The following ZCCHC7 variants were observed in gnomAD, a reference collection of about 807,000 sequenced individuals.
The protein encoded by ZCCHC7 is zinc finger CCHC-type containing 7.
ZCCHC7 carries 35 observed loss-of-function variants against 52.0 expected under a neutral mutation model. The observed-to-expected ratio is 0.67, with a 90% CI of 0.51 to 0.89. The LOEUF (loss-of-function observed/expected upper bound fraction) is 0.89. Among genes scored for constraint, ZCCHC7 ranks in the 40% least tolerant of loss-of-function variants. The pLI is 0.00. For synonymous variants in ZCCHC7, 217 were observed against 221.5 expected, an observed-to-expected ratio of 0.98 and a Z score of 0.18; for missense variants, 574 against 649.1, an observed-to-expected ratio of 0.88 and a Z score of 1.26.
chr9:37,184,845 A>G (rs1822565709), intron 2 of ZCCHC7, among the ~76,000 whole-genome samples: 1 of 152,126 alleles, frequency 6.6e-6, no homozygotes, highest in East Asian at 1.9e-4. Context: ...TCTGAAAGGC[A>G]TTGTTTTTAC....
At chr9:37,290,815 TG>T (rs1828499449) in intron 2 of ZCCHC7, among the ~76,000 whole-genome samples, 1 of 152,232 alleles carries the variant, frequency 6.6e-6, no homozygotes, top group African/African-American at 2.4e-5. Context: ...AGATACTTCA[TG>T]GCCTCCTGCC....
Position 37,349,362 on chromosome 9 carries a change from A to C in ZCCHC7, c.993A>C (p.Lys331Asn). Residue 331 changes from lysine to asparagine, a missense_variant, in exon 7 of 9, where the codon AAA (lysine) becomes AAC (asparagine). Coordinates refer to ENST00000336755, the MANE Select transcript of ZCCHC7 (RefSeq NM_032226.3). ...CACAAATATTCATGTTGCAGACCAA[A>C]CCTGGACCACCCAAAAAGCCGAAGA... ...EIWRQYHLTT[K>N]PGPPKKPKTP... is the part of the protein sequence containing the mutation. 1.2e-6 allele frequency: 2 copies of C among 1,614,022 alleles called. No individual in the cohort carries two copies. The highest frequency in any genetic ancestry group is 1.7e-6 in the Non-Finnish European group (2 of 1,179,942).
intron 2 of ZCCHC7, among the ~76,000 whole-genome samples, chr9:37,190,745 C>T (rs1246367869): frequency 2.6e-5 from 4 of 152,098 alleles, no homozygotes; most frequent in East Asian, 1.9e-4. Context: ...AGGCTGGGCA[C>T]GGTGGCTCAC....
intron 2 of ZCCHC7, among the ~76,000 whole-genome samples, chr9:37,223,723 A>G (rs994066843): frequency 8.5e-5 from 13 of 152,156 alleles, no homozygotes; most frequent in Admixed American, 6.5e-4. Flanking sequence ...ATTTGTTCTA[A>G]GGAATAATAG....
chr9:37,236,754 A>G (rs1825672423), intron 2 of ZCCHC7, among the ~76,000 whole-genome samples: 1 of 152,192 alleles, frequency 6.6e-6, no homozygotes, highest in African/African-American at 2.4e-5. Flanking sequence ...TGGAAGTCCC[A>G]TACACGGCAC....
chr9:37,198,785 TAAGA>T (rs1823428017), intron 2 of ZCCHC7, among the ~76,000 whole-genome samples: 1 of 152,276 alleles, frequency 6.6e-6, no homozygotes, highest in Non-Finnish European at 1.5e-5. Flanking sequence ...GAAAGATTAG[TAAGA>T]AAGAACTGAG....
chr9:37,293,482 A>G (rs1328791949), intron 2 of ZCCHC7, among the ~76,000 whole-genome samples: 1 of 152,256 alleles, frequency 6.6e-6, no homozygotes, highest in South Asian at 2.1e-4. Context: ...TAGCTTCTTG[A>G]TTAGATTTAA....
At chr9:37,334,932 A>G (rs1208858868) in intron 6 of ZCCHC7, among the ~76,000 whole-genome samples, 4 of 152,098 alleles carry the variant, frequency 2.6e-5, no homozygotes, top group African/African-American at 9.7e-5. Context: ...AGAAATTTTT[A>G]TTAGCTTTGT....
intron 2 of ZCCHC7, among the ~76,000 whole-genome samples, chr9:37,180,138 C>A (rs914226680): frequency 6.6e-6 from 1 of 152,066 alleles, no homozygotes; most frequent in African/African-American, 2.4e-5. Flanking sequence ...AAATTAGGCA[C>A]AGAGTATATT....
In ZCCHC7 at chr9:37,197,730, A is replaced by G. The variant is rs77036195; in HGVS notation, c.610+70788A>G. 1.1e-3 allele frequency among the ~76,000 whole-genome samples: 165 copies of G among 152,276 alleles called. 3 individuals are homozygous for G. The highest frequency in any genetic ancestry group is 9.1e-3 in the East Asian group (47 of 5,188). ...TTTCGAAAGTCAAAACAGCAATTGC[A>G]CTATTCTGGATTTGATGTTTTGTTA... is the stretch of plus-strand genomic sequence containing the variant. On this transcript the variant is annotated intron_variant, in intron 2 of 8. Transcript: ENST00000336755.
intron 2 of ZCCHC7, among the ~76,000 whole-genome samples, chr9:37,282,604 CAAAAAAAA>C (rs60743608): frequency 1.9e-5 from 1 of 52,546 alleles, no homozygotes. Context: ...GACTCTGTCT[CAAAAAAAA>C]AAAAAAAAAA....
At chr9:37,144,722 ATTG>A (rs1175784972) in intron 2 of ZCCHC7, among the ~76,000 whole-genome samples, 1 of 151,854 alleles carries the variant, frequency 6.6e-6, no homozygotes, top group East Asian at 1.9e-4. Flanking sequence ...TTACTATTTT[ATTG>A]TTCTTTCTTG....
At chr9:37,351,621 T>A (rs1821383406) in intron 7 of ZCCHC7, among the ~76,000 whole-genome samples, 1 of 152,214 alleles carries the variant, frequency 6.6e-6, no homozygotes, top group Non-Finnish European at 1.5e-5. Flanking sequence ...AGACTTCTTT[T>A]ACAGAATTAT....
At chr9:37,335,637 C>G (rs193014311) in intron 6 of ZCCHC7, among the ~76,000 whole-genome samples, 417 of 152,262 alleles carry the variant, frequency 2.7e-3, no homozygotes, top group African/African-American at 9.3e-3. Flanking sequence ...GTCCCAAACT[C>G]AGGTTATTAT....
Position 37,237,309 on chromosome 9 carries a change from T to C in ZCCHC7, c.611-64879T>C, listed in dbSNP as rs181248174. 2.3e-3 allele frequency among the ~76,000 whole-genome samples: 347 copies of C among 152,358 alleles called. 4 individuals are homozygous for C. Among genetic ancestry groups the C allele is most frequent in the African/African-American group, 7.7e-3 (321 of 41,592 alleles). On this transcript the variant is annotated intron_variant, in intron 2 of 8. Coordinates refer to ENST00000336755, the MANE Select transcript of ZCCHC7 (RefSeq NM_032226.3). ...CTCTGAGAAATGTGTTGTTTAGCAA[T>C]ATTCCTTTCAAATTCACAAGCGCTA... is the stretch of plus-strand genomic sequence containing the variant.
rs747776082 is a variant in ZCCHC7, at chr9:37,126,865, T to C, written c.533T>C (p.Leu178Pro). Residue 178 changes from leucine to proline, a missense_variant, in exon 2 of 9, where the codon CTA becomes CCA. Physicochemically the swap from Leu to Pro is moderately conservative, Grantham distance 98 (BLOSUM62 -3). Transcript: ENST00000336755. ...GGTGATAATGTGGAAAGCTGGATGC[T>C]ACTGGGATGTGAAGTAGATGATAAA... The part of the protein sequence containing the change: ...SEGDNVESWM[L>P]LGCEVDDKDD... 9.3e-6 allele frequency: 15 copies of C among 1,614,200 alleles called. No individual in the cohort carries two copies. The highest frequency in any genetic ancestry group is 1.3e-5 in the Non-Finnish European group (15 of 1,180,014).
At chr9:37,194,368 C>T (rs1321485164) in intron 2 of ZCCHC7, among the ~76,000 whole-genome samples, 3 of 152,066 alleles carry the variant, frequency 2.0e-5, no homozygotes, top group African/African-American at 4.8e-5. Context: ...TAAGTAGCAA[C>T]GGCCTTGCAA....
chr9:37,254,837 C>CTTTTT lies in ZCCHC7; in HGVS notation c.611-47339_611-47335dup, dbSNP rs59489076. On this transcript the variant is annotated intron_variant, in intron 2 of 8. Transcript: ENST00000336755. ...TGCCATGTTAATGCTCAAAAAGTTTCTTTTTTTTTTTTTTTTGGATTTTTG... is the reference window on the plus strand; with the variant it reads ...TGCCATGTTAATGCTCAAAAAGTTTCTTTTTTTTTTTTTTTTTTTTTGGATTTTTG... Among the ~76,000 whole-genome samples, 22 of 93,470 alleles carry CTTTTT rather than the reference C, an allele frequency of 2.4e-4. 2 individuals carry two copies. The highest frequency in any genetic ancestry group is 8.1e-4 in the South Asian group (2 of 2,482). 61.3% of individuals were successfully genotyped at this position (93,470 alleles called of 152,430 possible).
At chr9:37,192,861 G>C (rs993840963) in intron 2 of ZCCHC7, among the ~76,000 whole-genome samples, 1 of 152,034 alleles carries the variant, frequency 6.6e-6, no homozygotes, top group Non-Finnish European at 1.5e-5. Context: ...CATACATTGG[G>C]ATTATTCTTT....
Sources: allele counts gnomAD v4.1 joint callset (sites outside exome capture counted in the v4.1 genomes callset), GRCh38; gene constraint gnomAD v4.1.1; transcripts MANE v1.5; gene names NCBI Gene and HGNC (gene_info 2026-07-23, HGNC 2026-07-21).